The following DOCK3 variants were observed in gnomAD, a reference collection of about 807,000 sequenced individuals.
DOCK3 encodes dedicator of cytokinesis protein 3.
In DOCK3, 60 loss-of-function variants were observed where a neutral mutation model predicts 265.6. The ratio of observed to expected loss-of-function variants is 0.23; its 90% confidence interval spans 0.18 to 0.28. DOCK3 has a LOEUF of 0.28. Ranked by LOEUF, DOCK3 falls within the 10% of genes least tolerant of loss-of-function variation. The pLI is 1.00. For synonymous variants in DOCK3, 881 were observed against 938.0 expected (o/e 0.94, Z 1.11); for missense variants, 1,981 against 2,594.3 (o/e 0.76, Z 5.14).
At chr3:51,247,997 G>A (rs2078919675) in intron 22 of DOCK3, among the ~76,000 whole-genome samples, 2 of 152,184 alleles carry the variant, frequency 1.3e-5, no homozygotes, top group African/African-American at 4.8e-5. Flanking sequence ...ACCGGAGAAG[G>A]CAGCGCAGAA....
intron 5 of DOCK3, among the ~76,000 whole-genome samples, chr3:50,990,427 A>G (rs989674310): frequency 1.3e-5 from 2 of 152,184 alleles, no homozygotes; most frequent in Non-Finnish European, 2.9e-5. Context: ...AGGTCCACCT[A>G]CAAAGGGAAC....
At chr3:50,677,730 C>T (rs1287555596) in intron 1 of DOCK3, among the ~76,000 whole-genome samples, 3 of 152,190 alleles carry the variant, frequency 2.0e-5, no homozygotes, top group Non-Finnish European at 4.4e-5. Context: ...GTTTTTTCCA[C>T]TGCAGCTGTT....
At chr3:51,004,930 T>C (rs560335225) in intron 5 of DOCK3, among the ~76,000 whole-genome samples, 6 of 149,216 alleles carry the variant, frequency 4.0e-5, no homozygotes, top group East Asian at 3.9e-4. Context: ...ATCCTAGATA[T>C]ATGAAGTTAA....
intron 7 of DOCK3, among the ~76,000 whole-genome samples, chr3:51,082,127 A>C (rs1249974502): frequency 6.6e-6 from 1 of 152,036 alleles, no homozygotes; most frequent in East Asian, 1.9e-4. Flanking sequence ...TTGGAGCTAG[A>C]AGGAACTCCC....
intron 1 of DOCK3, chr3:50,719,731 A>G: frequency 7.5e-7 from 1 of 1,337,230 alleles, no homozygotes; most frequent in Non-Finnish European, 1.1e-6. Flanking sequence ...TTATCATCAA[A>G]TTTCTCCCTA....
At chr3:50,776,706 A>G (rs1342460836) in intron 1 of DOCK3, among the ~76,000 whole-genome samples, 1 of 151,970 alleles carries the variant, frequency 6.6e-6, no homozygotes, top group African/African-American at 2.4e-5. Context: ...TATGGTTTCA[A>G]GTCTTGGATT....
Position 50,675,492 on chromosome 3 carries a change from A to G in DOCK3, c.37+192A>G, listed in dbSNP as rs1246825752. Reference sequence around the variant, plus strand: ...CGGGGGTGGGCGCGGGTCTCTGTGCAGAGAGGGCGGCAGGGGGCGCTGGCG... The same window carrying G: ...CGGGGGTGGGCGCGGGTCTCTGTGCGGAGAGGGCGGCAGGGGGCGCTGGCG... On this transcript the variant is annotated intron_variant, in intron 1 of 52. Transcript: ENST00000266037. The surrounding 1 kb of genome is among the most constrained non-coding windows in gnomAD (Gnocchi z 6.1). 6.6e-6 allele frequency among the ~76,000 whole-genome samples: 1 copy of G among 151,624 alleles called. No homozygotes were observed. The highest frequency in any genetic ancestry group is 1.5e-5 in the Non-Finnish European group (1 of 67,848).
At chr3:50,859,329 T>C (rs1249765423) in intron 3 of DOCK3, among the ~76,000 whole-genome samples, 1 of 149,452 alleles carries the variant, frequency 6.7e-6, no homozygotes, top group African/African-American at 2.5e-5. Context: ...GATTCTCTCC[T>C]GCCTCAGCCT....
intron 19 of DOCK3, among the ~76,000 whole-genome samples, chr3:51,231,227 C>G (rs1203856679): frequency 7.5e-6 from 1 of 133,380 alleles, no homozygotes; most frequent in Non-Finnish European, 1.5e-5. Flanking sequence ...CTCCTGGGTT[C>G]AAGTGATTCT....
chr3:51,038,573 GT>G (rs140784267), intron 5 of DOCK3, among the ~76,000 whole-genome samples: 2,470 of 152,224 alleles, frequency 0.016, 86 homozygotes, highest in African/African-American at 0.055. Context: ...AGATTTTGAT[GT>G]TTTAACTCTC....
At chr3:50,975,754 T>A (rs1217180702) in intron 5 of DOCK3, among the ~76,000 whole-genome samples, 1 of 152,182 alleles carries the variant, frequency 6.6e-6, no homozygotes, top group East Asian at 1.9e-4. Context: ...AGAATTCCGC[T>A]GTGAATCCAT....
chr3:51,361,546 G>A lies in DOCK3; in HGVS notation c.5007-313G>A, dbSNP rs879707217. Among the ~76,000 whole-genome samples the A allele has an allele frequency of 1.6e-4, 25 of 152,150 alleles. No homozygotes were observed. The highest frequency in any genetic ancestry group is 3.2e-4 in the Non-Finnish European group (22 of 68,016). ...AAGGGGAACCTGAGGTCTTTGACCT[G>A]ATTTGGCATATCTCTTATTCCTCCT... On this transcript the variant is annotated intron_variant, in intron 47 of 52. Coordinates refer to ENST00000266037, the MANE Select transcript of DOCK3 (RefSeq NM_004947.5). The surrounding 1 kb of genome is among the most constrained non-coding windows in gnomAD (Gnocchi z 4.2).
At position 51,383,643 on chromosome 3, in the gene DOCK3, C is replaced by T. The variant is rs1480018019; in HGVS notation, c.*2084C>T. 2 of 152,416 alleles carry T rather than the reference C, an allele frequency of 1.3e-5. No homozygotes were observed. The highest frequency in any genetic ancestry group is 1.5e-5 in the Non-Finnish European group (1 of 68,046). The allele number at this position is 152,416 out of a possible 1,614,324, so 9.4% of individuals were successfully genotyped here. On this transcript the variant is annotated 3_prime_UTR_variant, in exon 53 of 53. Coordinates refer to ENST00000266037, the MANE Select transcript of DOCK3 (RefSeq NM_004947.5). ...CAAGGTGAAACCGTTTGTTTTCCCT[C>T]TCCATTTTCCCTAACTAAATGAAAA...
intron 7 of DOCK3, among the ~76,000 whole-genome samples, chr3:51,085,078 G>A (rs2082372671): frequency 6.6e-6 from 1 of 152,084 alleles, no homozygotes; most frequent in African/African-American, 2.4e-5. Flanking sequence ...CATAAAAATA[G>A]ATAAGGTCAT....
At chr3:50,913,788 A>AC (rs1271282065) in intron 4 of DOCK3, among the ~76,000 whole-genome samples, 3 of 151,592 alleles carry the variant, frequency 2.0e-5, no homozygotes, top group Non-Finnish European at 4.4e-5. Context: ...GTGCACAGGA[A>AC]CCCTCTCTGT....
chr3:51,249,380 G>T (rs1355076136), intron 22 of DOCK3, among the ~76,000 whole-genome samples: 2 of 143,142 alleles, frequency 1.4e-5, no homozygotes, highest in East Asian at 2.2e-4. Context: ...GAGGTGGGGG[G>T]GTTAGCCCCC....
intron 4 of DOCK3, among the ~76,000 whole-genome samples, chr3:50,906,096 C>T (rs2049480312): frequency 1.3e-5 from 2 of 152,086 alleles, no homozygotes; most frequent in Non-Finnish European, 2.9e-5. Flanking sequence ...ACCAGCCTTG[C>T]ATCCCAGAGA....
intron 22 of DOCK3, among the ~76,000 whole-genome samples, chr3:51,258,716 C>T (rs2079686551): frequency 6.6e-6 from 1 of 152,154 alleles, no homozygotes; most frequent in Non-Finnish European, 1.5e-5. Flanking sequence ...ATAAGGATTC[C>T]AGGGTGTCAG....
At chr3:51,167,282 G>T (rs144469191) in intron 12 of DOCK3, among the ~76,000 whole-genome samples, 1,768 of 152,196 alleles carry the variant, frequency 0.012, 12 homozygotes, top group Non-Finnish European at 0.017. Flanking sequence ...TCTGGGATCT[G>T]TATTCTGTTC....
Sources: allele counts gnomAD v4.1 joint callset (sites outside exome capture counted in the v4.1 genomes callset), GRCh38; gene constraint gnomAD v4.1.1; non-coding constraint Gnocchi (gnomAD v3.1); transcripts MANE v1.5; gene names NCBI Gene and HGNC (gene_info 2026-07-23, HGNC 2026-07-21).